The following ARMC2 variants were observed in gnomAD, a reference collection of about 807,000 sequenced individuals.
ARMC2 encodes the protein armadillo repeat-containing protein 2.
ARMC2 carries 67 observed loss-of-function variants against 90.3 expected under a neutral mutation model. The ratio of observed to expected loss-of-function variants is 0.74; its 90% confidence interval spans 0.61 to 0.91. ARMC2 has a LOEUF of 0.91. ARMC2 is among the 40% of genes least tolerant of loss of function. The pLI, the probability that ARMC2 is intolerant of heterozygous loss-of-function variation, is 0.00. For missense variants in ARMC2, 920 were observed against 1,030.9 expected, an observed-to-expected ratio of 0.89 and a Z score of 1.47; for synonymous variants, 393 against 393.0, an observed-to-expected ratio of 1.00 and a Z score of 0.00.
chr6:108,994,449 T>C, the ARMC2 span: 63 of 1,603,832 alleles, frequency 3.9e-5, no homozygotes, highest in Non-Finnish European at 5.3e-5. Flanking sequence ...GACTATATAA[T>C]GGTTGTTCTT....
the ARMC2 span, among the ~76,000 whole-genome samples, chr6:109,040,573 A>T: frequency 6.6e-6 from 1 of 151,994 alleles, no homozygotes; most frequent in Admixed American, 6.5e-5. Context: ...AAATTAAAAC[A>T]GGAATTCTTG....
the ARMC2 span, among the ~76,000 whole-genome samples, chr6:109,005,806 T>A: frequency 2.0e-5 from 3 of 152,214 alleles, no homozygotes; most frequent in Admixed American, 1.3e-4. Flanking sequence ...GATTATAATC[T>A]ATATTATAAA....
At chr6:108,860,977 A>G (rs1230806942) in intron 3 of ARMC2, among the ~76,000 whole-genome samples, 2 of 152,198 alleles carry the variant, frequency 1.3e-5, no homozygotes, top group Non-Finnish European at 2.9e-5. Context: ...GACCTCAACA[A>G]TAAGGGTACT....
intron 5 of ARMC2, among the ~76,000 whole-genome samples, chr6:108,883,713 A>G (rs569675494): frequency 1.3e-5 from 2 of 152,186 alleles, no homozygotes; most frequent in South Asian, 2.1e-4. Flanking sequence ...AAGTTCTACA[A>G]TTCCTTCAGT....
rs776568087 is a variant in ARMC2 at position 108,894,497 on chromosome 6, A to C, written c.702A>C (p.Ser234=). Residue 234 remains serine (S), a synonymous_variant, in exon 6 of 18, where the codon TCA becomes TCC. Transcript: ENST00000392644. ...AGGGGAAGAGACATGCGAGGGCCTC[A>C]TCATGCCCCAGTAGCTCAGACCTGA... The part of the protein sequence containing the change: ...GDQGKRHARA[S]SCPSSSDLSR... 6.2e-6 allele frequency: 10 copies of C among 1,611,862 alleles called. No individual in the cohort carries two copies. The East Asian group carries it at 1.8e-4, about 29-fold the overall frequency.
chr6:108,945,822 G>A (rs1200023529), intron 12 of ARMC2, among the ~76,000 whole-genome samples: 1 of 152,246 alleles, frequency 6.6e-6, no homozygotes, highest in South Asian at 2.1e-4. Context: ...GCATTCCAGA[G>A]AGGTGCCTTC....
the ARMC2 span, chr6:108,998,508 C>CT: frequency 6.2e-7 from 1 of 1,613,390 alleles, no homozygotes; most frequent in Non-Finnish European, 8.5e-7. Flanking sequence ...ACAAATAATA[C>CT]TTACAGAAAC....
the ARMC2 span, among the ~76,000 whole-genome samples, chr6:108,995,658 G>A: frequency 4.6e-5 from 7 of 152,180 alleles, no homozygotes; most frequent in African/African-American, 1.4e-4. Flanking sequence ...GCTCATGCCT[G>A]TAATCCCAGC....
At chr6:108,885,120 C>T (rs1176725786) in intron 5 of ARMC2, among the ~76,000 whole-genome samples, 1 of 152,012 alleles carries the variant, frequency 6.6e-6, no homozygotes, top group African/African-American at 2.4e-5. Flanking sequence ...TTAAGGTTAA[C>T]TAAGTTAAGC....
intron 10 of ARMC2, among the ~76,000 whole-genome samples, chr6:108,914,579 T>C (rs537619920): frequency 5.9e-5 from 9 of 152,276 alleles, no homozygotes; most frequent in African/African-American, 1.9e-4. Flanking sequence ...CATGATGGCA[T>C]CCACCCGAAC....
At chr6:108,957,615 CCTTAGG>C (rs1777694127) in intron 13 of ARMC2, among the ~76,000 whole-genome samples, 1 of 152,150 alleles carries the variant, frequency 6.6e-6, no homozygotes, top group African/African-American at 2.4e-5. Flanking sequence ...GAAGGGCATC[CCTTAGG>C]CTCTTTTCTT....
chr6:108,973,738 G>A lies in ARMC2; in HGVS notation c.*224G>A. On this transcript the variant is annotated 3_prime_UTR_variant, in exon 18 of 18. Coordinates refer to ENST00000392644, the MANE Select transcript of ARMC2 (RefSeq NM_032131.6). ...ATATTTCCTGTTGAGAGAAATGTAA[G>A]ATGAAAATATGTGCATTTTCAAGTA... 2.6e-6 allele frequency: 1 copy of A among 385,478 alleles called. No homozygotes were observed. The highest frequency in any genetic ancestry group is 4.6e-6 in the Non-Finnish European group (1 of 217,608). 23.9% of individuals were successfully genotyped at this position (385,478 alleles called of 1,614,324 possible).
chr6:108,953,596 C>T (rs1395326046), intron 13 of ARMC2, among the ~76,000 whole-genome samples: 1 of 152,200 alleles, frequency 6.6e-6, no homozygotes, highest in African/African-American at 2.4e-5. Context: ...AAATCGTACA[C>T]TTTAAAAGGG....
At chr6:108,905,602 T>C (rs746386048) in intron 8 of ARMC2, among the ~76,000 whole-genome samples, 49 of 152,126 alleles carry the variant, frequency 3.2e-4, no homozygotes, top group Non-Finnish European at 1.8e-4. Flanking sequence ...ACATGAATTA[T>C]TTTAATGCTT....
rs72933357 is a variant in ARMC2, at chr6:108,915,251, T to C, written c.1350+2693T>C. ...GATTATAGGTGTGAGTTACTGTGCC[T>C]GGCCAGGAGGCATTTTTAAAAGCAG... On this transcript the variant is annotated intron_variant, in intron 10 of 17. Coordinates refer to ENST00000392644, the MANE Select transcript of ARMC2 (RefSeq NM_032131.6). Among the ~76,000 whole-genome samples the C allele has an allele frequency of 6.6e-3, 1,012 of 152,254 alleles. 13 individuals carry two copies. Among genetic ancestry groups the C allele is most frequent in the Admixed American group, 8.0e-3 (122 of 15,296 alleles).
chr6:108,911,840 A>G lies in ARMC2; in HGVS notation c.1127-495A>G, dbSNP rs76467698. Among the ~76,000 whole-genome samples the G allele has an allele frequency of 8.2e-3, 1,249 of 152,280 alleles. 4 individuals are homozygous for G. Among genetic ancestry groups the G allele is most frequent in the Non-Finnish European group, 0.013 (864 of 67,982 alleles). ...AAGTAGTGGTATGTTATTTGAATAA[A>G]TGTTCTTAAGTTGTCTTGGGAAAAG... On this transcript the variant is annotated intron_variant, in intron 9 of 17. Transcript: ENST00000392644.
rs111831011 is a variant in ARMC2, at chr6:108,954,715, G to A, written c.1915+1364G>A. On this transcript the variant is annotated intron_variant, in intron 13 of 17. Transcript: ENST00000392644. ...TGTCTGACACAAATGATGTTTTGGAGGAGCAATCTGTGAACTCCCTGGCCT... is the reference window on the plus strand; with the variant it reads ...TGTCTGACACAAATGATGTTTTGGAAGAGCAATCTGTGAACTCCCTGGCCT... Among the ~76,000 whole-genome samples, 406 of 152,296 alleles carry A rather than the reference G, an allele frequency of 2.7e-3. 1 individual carries two copies. The highest frequency in any genetic ancestry group is 9.4e-3 in the African/African-American group (392 of 41,554).
At chr6:109,002,340 G>A in the ARMC2 span, 1 of 1,612,900 alleles carries the variant, frequency 6.2e-7, no homozygotes. Context: ...CTAATGCCAA[G>A]TTCCTAGAAA....
intron 17 of ARMC2, among the ~76,000 whole-genome samples, chr6:108,971,243 C>A (rs941948174): frequency 6.6e-6 from 1 of 152,136 alleles, no homozygotes; most frequent in South Asian, 2.1e-4. Flanking sequence ...ATCACTGAGA[C>A]TACCTGACTC....
Sources: gnomAD v4.1 joint callset for allele counts (sites outside exome capture counted in the v4.1 genomes callset) on GRCh38, gnomAD v4.1.1 for gene constraint, MANE v1.5 for transcripts, NCBI Gene and HGNC (gene_info 2026-07-23, HGNC 2026-07-21) for gene names.